The following GLIS1 variants were observed in gnomAD, a reference collection of about 807,000 sequenced individuals.
GLIS1 encodes the protein zinc finger protein GLIS1.
GLIS1 carries 24 observed loss-of-function variants against 63.8 expected under a neutral mutation model. The ratio of observed to expected loss-of-function variants is 0.38; its 90% CI spans 0.27 to 0.53. GLIS1 has a LOEUF of 0.53. Among genes scored for constraint, GLIS1 ranks in the 20% least tolerant of loss-of-function variants. The pLI, the probability that GLIS1 is intolerant of heterozygous loss-of-function variation, is 0.85. For synonymous variants in GLIS1, 450 were observed against 482.5 expected (o/e 0.93, Z 0.88); for missense variants, 1,036 against 1,074.1 (o/e 0.96, Z 0.50).
chr1:53,563,318 C>CAGGGGTGAAATGTGTA lies in GLIS1; in HGVS notation c.1320+30774_1320+30789dup, dbSNP rs1255100859. ...TGATCAGACTTGGAGTATATACTAA[C>CAGGGGTGAAATGTGTA]AGGGGTGAAATGTGTAAGGAGTGAA... On this transcript the variant is annotated intron_variant, in intron 4 of 10. Transcript: ENST00000628545. Among the ~76,000 whole-genome samples the CAGGGGTGAAATGTGTA allele has an allele frequency of 2.0e-5, 3 of 152,204 alleles. No individual in the cohort carries two copies. In the East Asian group the frequency reaches 5.8e-4, roughly 29 times the overall value.
At chr1:53,658,529 C>T (rs1450870901) in intron 2 of GLIS1, among the ~76,000 whole-genome samples, 2 of 152,184 alleles carry the variant, frequency 1.3e-5, no homozygotes, top group Non-Finnish European at 2.9e-5. Context: ...ACACAGCAGT[C>T]ATTATGGGCT....
At chr1:53,686,532 G>A (rs1167912759) in intron 2 of GLIS1, among the ~76,000 whole-genome samples, 1 of 152,206 alleles carries the variant, frequency 6.6e-6, no homozygotes, top group Non-Finnish European at 1.5e-5. Flanking sequence ...TGGAGGCACA[G>A]ATGAATCAGA....
intron 2 of GLIS1, among the ~76,000 whole-genome samples, chr1:53,696,320 T>C (rs1570064478): frequency 6.6e-6 from 1 of 152,364 alleles, no homozygotes; most frequent in African/African-American, 2.4e-5. Context: ...AAATAAATTA[T>C]GCATCACTAT....
At chr1:53,540,131 C>T (rs1191842015) in intron 4 of GLIS1, among the ~76,000 whole-genome samples, 1 of 152,180 alleles carries the variant, frequency 6.6e-6, no homozygotes, top group Non-Finnish European at 1.5e-5. Context: ...AAGCATCACA[C>T]ACTCCTCTCA....
chr1:53,508,046 G>A (rs968300487), intron 10 of GLIS1, among the ~76,000 whole-genome samples: 3 of 152,216 alleles, frequency 2.0e-5, no homozygotes, highest in Non-Finnish European at 4.4e-5. Flanking sequence ...CTCAAACACA[G>A]GTGCACACGT....
intron 2 of GLIS1, among the ~76,000 whole-genome samples, chr1:53,715,283 A>G (rs1196713508): frequency 6.6e-6 from 1 of 152,220 alleles, no homozygotes; most frequent in Non-Finnish European, 1.5e-5. Flanking sequence ...CTGGGAGGTG[A>G]TATGTAAGCA....
At position 53,506,498 on chromosome 1, in the gene GLIS1, T is replaced by TG. The variant is rs1049879157; in HGVS notation, c.*120dup. Reference sequence around the variant, plus strand: ...TGGCAGCGCTGGCTCCCCTGGGTCATGGCCTGGCTGTTCCGGCTGTGGCCT... The same window carrying TG: ...TGGCAGCGCTGGCTCCCCTGGGTCATGGGCCTGGCTGTTCCGGCTGTGGCCT... On this transcript the variant is annotated 3_prime_UTR_variant, in exon 11 of 11. Transcript: ENST00000628545. 3 of 1,092,296 alleles carry TG rather than the reference T, an allele frequency of 2.7e-6. No individual in the cohort carries two copies. The highest frequency in any genetic ancestry group is 2.9e-4 in the Middle Eastern group (1 of 3,420). The allele number at this position is 1,092,296 out of a possible 1,614,324, so 67.7% of individuals were successfully genotyped here. A position where few individuals can be genotyped will look rare whatever the true frequency, so the allele number is the denominator to read the frequency against.
chr1:53,697,286 G>A (rs1646475091), intron 2 of GLIS1, among the ~76,000 whole-genome samples: 1 of 152,212 alleles, frequency 6.6e-6, no homozygotes, highest in Admixed American at 6.5e-5. Context: ...CCTGCCTACT[G>A]GCAGAGTTGG....
At chr1:53,603,904 G>A (rs1645343592) in intron 2 of GLIS1, among the ~76,000 whole-genome samples, 2 of 152,248 alleles carry the variant, frequency 1.3e-5, no homozygotes, top group South Asian at 4.1e-4. Flanking sequence ...TAATAGATAA[G>A]AAGCTAAGGC....
intron 2 of GLIS1, among the ~76,000 whole-genome samples, chr1:53,712,696 G>A (rs1364706282): frequency 6.6e-6 from 1 of 152,184 alleles, no homozygotes; most frequent in Non-Finnish European, 1.5e-5. Context: ...ACTCCATAAG[G>A]CTGGCAGAAG....
intron 2 of GLIS1, among the ~76,000 whole-genome samples, chr1:53,616,320 G>A (rs753485752): frequency 3.2e-4 from 49 of 152,118 alleles, no homozygotes; most frequent in Non-Finnish European, 5.7e-4. Flanking sequence ...TGTTGAAATC[G>A]CTAAGAAAAT....
chr1:53,570,349 T>C (rs528342042), intron 4 of GLIS1, among the ~76,000 whole-genome samples: 84 of 152,162 alleles, frequency 5.5e-4, no homozygotes, highest in Admixed American at 1.1e-3. Context: ...CTCAAACTCC[T>C]GGCCTCAAAC....
At chr1:53,674,416 G>A (rs1294930216) in intron 2 of GLIS1, among the ~76,000 whole-genome samples, 3 of 152,276 alleles carry the variant, frequency 2.0e-5, no homozygotes, top group Admixed American at 6.5e-5. Context: ...TGATTTTTAG[G>A]TACAGGAAAG....
At chr1:53,614,280 G>C (rs1645456026) in intron 2 of GLIS1, among the ~76,000 whole-genome samples, 1 of 152,146 alleles carries the variant, frequency 6.6e-6, no homozygotes, top group Admixed American at 6.5e-5. Context: ...ATGAAAACAA[G>C]AAGTTAGAAA....
intron 4 of GLIS1, among the ~76,000 whole-genome samples, chr1:53,561,225 G>A (rs2100439660): frequency 6.6e-6 from 1 of 152,282 alleles, no homozygotes; most frequent in South Asian, 2.1e-4. Context: ...AAGTGGGAGA[G>A]CTCCAGGATT....
intron 2 of GLIS1, among the ~76,000 whole-genome samples, chr1:53,699,842 C>T (rs981782602): frequency 6.6e-6 from 1 of 152,160 alleles, no homozygotes; most frequent in Admixed American, 6.5e-5. Context: ...GGTGCTACTC[C>T]CATCCTGAGG....
At position 53,646,254 on chromosome 1, in the gene GLIS1, A is replaced by T. The variant is rs781291821; in HGVS notation, c.260-45976T>A. ...AGCAGGGATGAAAGAAATAAAATAT[A>T]TAAGAATTGAAAGGAATAAATAAAA... On this transcript the variant is annotated intron_variant, in intron 2 of 10. Transcript: ENST00000628545. This position sits in a 1 kb window ranked among gnomAD's most constrained non-coding sequence, Gnocchi z 4.2. Among the ~76,000 whole-genome samples the T allele has an allele frequency of 6.6e-6, 1 of 152,244 alleles. No individual in the cohort carries two copies. Among genetic ancestry groups the T allele is most frequent in the African/African-American group, 2.4e-5 (1 of 41,460 alleles).
intron 4 of GLIS1, among the ~76,000 whole-genome samples, chr1:53,589,403 T>C (rs1195962055): frequency 1.3e-5 from 2 of 152,092 alleles, no homozygotes; most frequent in African/African-American, 4.8e-5. Context: ...TCTCAGGGGC[T>C]GGCGGAGGGG....
chr1:53,655,261 C>A (rs148736069), intron 2 of GLIS1, among the ~76,000 whole-genome samples: 122 of 152,292 alleles, frequency 8.0e-4, no homozygotes, highest in Non-Finnish European at 1.4e-3. Flanking sequence ...GCATTTTAAC[C>A]CCTTCCCTAA....
Sources: allele counts gnomAD v4.1 joint callset (sites outside exome capture counted in the v4.1 genomes callset), GRCh38; gene constraint gnomAD v4.1.1; non-coding constraint Gnocchi (gnomAD v3.1); transcripts MANE v1.5; gene names NCBI Gene and HGNC (gene_info 2026-07-23, HGNC 2026-07-21).